The following ADAMTSL1 variants were observed in gnomAD, a reference collection of about 807,000 sequenced individuals.
The protein encoded by ADAMTSL1 is ADAMTS like 1, also known as ADAMTS-like protein 1.
ADAMTSL1 carries 126 observed loss-of-function variants against 201.8 expected under a neutral mutation model. That is an observed-to-expected ratio of 0.62 (90% confidence interval 0.54 to 0.72). The LOEUF (loss-of-function observed/expected upper bound fraction) is 0.72. ADAMTSL1 is among the 30% of genes least tolerant of loss of function. The probability of loss-of-function intolerance (pLI) is 0.00; values close to 1 mark genes in which losing one functional copy is unlikely to be tolerated. For missense variants in ADAMTSL1, 2,679 were observed against 2,277.8 expected (o/e 1.18, Z -3.59); for synonymous variants, 1,121 against 903.4 (o/e 1.24, Z -4.32).
chr9:18,273,823 G>A (rs941903658), intron 2 of ADAMTSL1, among the ~76,000 whole-genome samples: 1 of 152,160 alleles, frequency 6.6e-6, no homozygotes, highest in Non-Finnish European at 1.5e-5. Context: ...ACCTAATTCT[G>A]AGTGATCAGT....
chr9:18,453,948 C>G (rs959428676), intron 2 of ADAMTSL1, among the ~76,000 whole-genome samples: 2 of 152,140 alleles, frequency 1.3e-5, no homozygotes, highest in East Asian at 3.8e-4. Flanking sequence ...TAGAACCACT[C>G]GTAGTACCAA....
chr9:18,018,762 G>A (rs1366196882), intron 1 of ADAMTSL1, among the ~76,000 whole-genome samples: 1 of 152,062 alleles, frequency 6.6e-6, no homozygotes, highest in Non-Finnish European at 1.5e-5. Context: ...TACTCAGCTA[G>A]TTTGCACCCA....
chr9:18,240,657 A>G (rs1318252881), intron 2 of ADAMTSL1, among the ~76,000 whole-genome samples: 3 of 152,216 alleles, frequency 2.0e-5, no homozygotes, highest in Non-Finnish European at 4.4e-5. Flanking sequence ...ATCATTGAAT[A>G]TAAGATGCCA....
At chr9:18,385,830 A>G (rs1208863379) in intron 2 of ADAMTSL1, among the ~76,000 whole-genome samples, 1 of 152,190 alleles carries the variant, frequency 6.6e-6, no homozygotes, top group Non-Finnish European at 1.5e-5. Flanking sequence ...GTCCCAAACT[A>G]GCAACACATG....
intron 1 of ADAMTSL1, among the ~76,000 whole-genome samples, chr9:17,956,104 T>A (rs1827918650): frequency 6.6e-6 from 1 of 152,200 alleles, no homozygotes; most frequent in African/African-American, 2.4e-5. Context: ...TGCACAATTA[T>A]CCATGGAACT....
chr9:18,426,819 G>A (rs575270674), intron 2 of ADAMTSL1, among the ~76,000 whole-genome samples: 41 of 152,178 alleles, frequency 2.7e-4, no homozygotes, highest in Non-Finnish European at 3.7e-4. Context: ...TTTTATGCTC[G>A]TAATCTGAAA....
chr9:18,590,038 G>T (rs1019029435), intron 4 of ADAMTSL1, among the ~76,000 whole-genome samples: 2 of 152,006 alleles, frequency 1.3e-5, no homozygotes, highest in African/African-American at 2.4e-5. Context: ...TTTTGGTTAT[G>T]TCTTTGTCTG....
At chr9:18,255,219 A>T (rs904737497) in intron 2 of ADAMTSL1, among the ~76,000 whole-genome samples, 1 of 152,146 alleles carries the variant, frequency 6.6e-6, no homozygotes, top group Non-Finnish European at 1.5e-5. Context: ...GTGTATTTGC[A>T]CATTCGTAGG....
chr9:18,851,815 G>C (rs1402883164), intron 23 of ADAMTSL1, among the ~76,000 whole-genome samples: 1 of 152,176 alleles, frequency 6.6e-6, no homozygotes, highest in Non-Finnish European at 1.5e-5. Context: ...CTTTCCTAGA[G>C]GAAGATCGTG....
chr9:18,403,372 G>A (rs1400995011), intron 2 of ADAMTSL1, among the ~76,000 whole-genome samples: 3 of 151,666 alleles, frequency 2.0e-5, no homozygotes, highest in African/African-American at 7.3e-5. Context: ...TTAGTAGAGA[G>A]GGGGCTTCAC....
chr9:18,194,663 T>A (rs1224465736), intron 2 of ADAMTSL1, among the ~76,000 whole-genome samples: 2 of 152,114 alleles, frequency 1.3e-5, no homozygotes, highest in Non-Finnish European at 2.9e-5. Context: ...TGTATATGCC[T>A]CGTGGCCCAG....
At chr9:18,760,193 C>T (rs1318946129) in intron 16 of ADAMTSL1, among the ~76,000 whole-genome samples, 1 of 152,186 alleles carries the variant, frequency 6.6e-6, no homozygotes, top group Non-Finnish European at 1.5e-5. Context: ...CCATTATGAG[C>T]CTCACGCATC....
chr9:18,640,158 T>C (rs573366025), intron 7 of ADAMTSL1, among the ~76,000 whole-genome samples: 35 of 152,142 alleles, frequency 2.3e-4, no homozygotes, highest in South Asian at 4.2e-4. Flanking sequence ...TAAGAATGCA[T>C]ATAGGAAAAT....
intron 1 of ADAMTSL1, among the ~76,000 whole-genome samples, chr9:18,118,660 C>T (rs1341690825): frequency 6.6e-6 from 1 of 152,134 alleles, no homozygotes; most frequent in Non-Finnish European, 1.5e-5. Flanking sequence ...TCATAGAATG[C>T]AGATGGGACA....
At chr9:18,800,838 C>T (rs1456236902) in intron 20 of ADAMTSL1, among the ~76,000 whole-genome samples, 1 of 152,184 alleles carries the variant, frequency 6.6e-6, no homozygotes, top group African/African-American at 2.4e-5. Context: ...GGTCCCTTGG[C>T]TAGGACTCTG....
chr9:18,394,812 G>A (rs1051814859), intron 2 of ADAMTSL1, among the ~76,000 whole-genome samples: 1 of 151,960 alleles, frequency 6.6e-6, no homozygotes, highest in East Asian at 1.9e-4. Flanking sequence ...GCATTTTTTT[G>A]CATTATGCTA....
chr9:18,180,964 C>G (rs909189305), intron 2 of ADAMTSL1, among the ~76,000 whole-genome samples: 1 of 152,042 alleles, frequency 6.6e-6, no homozygotes, highest in Non-Finnish European at 1.5e-5. Context: ...CAGAACAGAG[C>G]CCTCAGAAAT....
intron 23 of ADAMTSL1, among the ~76,000 whole-genome samples, chr9:18,862,261 C>A (rs190610869): frequency 6.8e-4 from 103 of 152,272 alleles, no homozygotes; most frequent in Admixed American, 1.7e-3. Flanking sequence ...GGCGTTATTT[C>A]TTTTGCAGAG....
At chr9:18,255,243 C>A (rs117095360) in intron 2 of ADAMTSL1, among the ~76,000 whole-genome samples, 3 of 152,100 alleles carry the variant, frequency 2.0e-5, no homozygotes, top group Non-Finnish European at 2.9e-5. Context: ...TAACTCCACA[C>A]AGAAACCACT....
Sources: allele counts gnomAD v4.1 joint callset (sites outside exome capture counted in the v4.1 genomes callset), GRCh38; gene constraint gnomAD v4.1.1; transcripts MANE v1.5; gene names NCBI Gene and HGNC (gene_info 2026-07-23, HGNC 2026-07-21).